Variants in KIF24 observed in about 807,000 individuals in gnomAD.
KIF24 encodes the protein kinesin family member 24.
In KIF24, 81 loss-of-function variants were observed where a neutral mutation model predicts 118.9. The ratio of observed to expected loss-of-function variants is 0.68; its 90% CI spans 0.57 to 0.82. The LOEUF (loss-of-function observed/expected upper bound fraction) is 0.82. KIF24 is among the 40% of genes least tolerant of loss of function. KIF24 has a pLI of 0.00. For missense variants in KIF24, 1,560 were observed against 1,661.6 expected, an observed-to-expected ratio of 0.94 and a Z score of 1.06; for synonymous variants, 599 against 610.0, an observed-to-expected ratio of 0.98 and a Z score of 0.27.
chr9:34,319,664 G>A, intron 1 of KIF24: 1 of 802,674 alleles, frequency 1.2e-6, no homozygotes, highest in Admixed American at 1.8e-5. Context: ...AGGGCCTCAG[G>A]GTGCACACAG....
chr9:34,317,769 G>A (rs950331193), intron 1 of KIF24, among the ~76,000 whole-genome samples: 5 of 151,996 alleles, frequency 3.3e-5, no homozygotes, highest in East Asian at 1.9e-4. Flanking sequence ...CTTAAATAAC[G>A]GCCCCAAAGC....
At chr9:34,332,327 C>G (rs1204262851), upstream of KIF24, among the ~76,000 whole-genome samples, 1 of 152,188 alleles carries the variant, frequency 6.6e-6, no homozygotes, top group Non-Finnish European at 1.5e-5. Flanking sequence ...TATGGGGTAC[C>G]TTGTTAACCT....
intron 3 of KIF24, among the ~76,000 whole-genome samples, chr9:34,302,372 CA>C (rs1198294069): frequency 1.3e-5 from 2 of 152,098 alleles, no homozygotes; most frequent in East Asian, 3.9e-4. Context: ...GGCACAATCA[CA>C]GCTTACTATA....
At chr9:34,328,371 T>C (rs1837746374) in intron 1 of KIF24, among the ~76,000 whole-genome samples, 1 of 152,236 alleles carries the variant, frequency 6.6e-6, no homozygotes, top group South Asian at 2.1e-4. Flanking sequence ...GAATGGTTTA[T>C]TTTAAGCAAA....
chr9:34,301,994 T>TC (rs1554665236), intron 3 of KIF24, among the ~76,000 whole-genome samples: 3,127 of 123,110 alleles, frequency 0.025, 101 homozygotes, highest in Non-Finnish European at 0.045. Flanking sequence ...TGTATTTTTT[T>TC]TTCTTTTTTT....
At chr9:34,267,655 A>G (rs1835344239) in intron 8 of KIF24, among the ~76,000 whole-genome samples, 1 of 152,224 alleles carries the variant, frequency 6.6e-6, no homozygotes, top group East Asian at 1.9e-4. Flanking sequence ...ATATTATTTC[A>G]GCATGTAGTC....
upstream of KIF24, among the ~76,000 whole-genome samples, chr9:34,331,393 T>C (rs560645052): frequency 1.3e-5 from 2 of 152,350 alleles, no homozygotes; most frequent in Admixed American, 6.5e-5. Flanking sequence ...TTAACTTCAT[T>C]TTACAAATGA....
At chr9:34,285,054 T>G (rs1170394648) in intron 6 of KIF24, among the ~76,000 whole-genome samples, 1 of 152,114 alleles carries the variant, frequency 6.6e-6, no homozygotes, top group East Asian at 1.9e-4. Flanking sequence ...CCGTGGACAG[T>G]GGATAGCTCA....
Position 34,275,029 on chromosome 9 carries a change from T to C in KIF24, c.1216-3099A>G, listed in dbSNP as rs181039906. On this transcript the variant is annotated intron_variant, in intron 6 of 12. Transcript: ENST00000402558. ...GTAGTGGGGATGTAGGGGTGGTTAA[T>C]AGGTACACAAAAAAAAGAAATAATG... Among the ~76,000 whole-genome samples, 21 of 152,246 alleles carry C rather than the reference T, an allele frequency of 1.4e-4. No individual in the cohort carries two copies. The East Asian group carries it at 3.7e-3, about 27-fold the overall frequency.
Position 34,263,211 on chromosome 9 carries a change from CA to C in KIF24, c.1444-40del, listed in dbSNP as rs768040032. ...GAACAAGCACATCAAGTATCAAGTG[CA>C]AAGGGAGAGTAACAGACCTGATGCC... On this transcript the variant is annotated intron_variant, in intron 8 of 12. Transcript: ENST00000402558. 4 of 1,513,462 alleles carry C rather than the reference CA, an allele frequency of 2.6e-6. No homozygotes were observed. The East Asian group carries it at 9.0e-5, about 34-fold the overall frequency. The allele number at this position is 1,513,462 out of a possible 1,614,324, so 93.8% of individuals were successfully genotyped here. A position where few individuals can be genotyped will look rare whatever the true frequency, so the allele number is the denominator to read the frequency against.
intron 10 of KIF24, among the ~76,000 whole-genome samples, chr9:34,258,730 T>C (rs191655118): frequency 7.7e-4 from 117 of 152,206 alleles, no homozygotes; most frequent in African/African-American, 2.7e-3. Context: ...CTTTCAGGCT[T>C]CTCTAGGAAG....
chr9:34,255,807 C>T lies in KIF24; in HGVS notation c.3800G>A (p.Ser1267Asn). 1 of 1,613,918 alleles carries T rather than the reference C, an allele frequency of 6.2e-7. No homozygotes were observed. Among genetic ancestry groups the T allele is most frequent in the Non-Finnish European group, 8.5e-7 (1 of 1,179,858 alleles). Residue 1267 changes from serine (S) to asparagine (N), a missense_variant, in exon 11 of 13, where the codon AGT (serine) becomes AAT (asparagine). Around this residue, in one of 3 missense-constraint regions of KIF24, gnomAD observed 591 missense variants for 655.6 expected, o/e 0.90. Transcript: ENST00000402558. ...RPISRCLARP[S>N]SPLVPSCSPK... ...AGAGCAGCTGGGAACCAAGGGAGAACTTGGCCTTGCTAAGCACCTTGAGAT... is the reference window on the plus strand; with the variant it reads ...AGAGCAGCTGGGAACCAAGGGAGAATTTGGCCTTGCTAAGCACCTTGAGAT...
chr9:34,319,067 C>A, intron 1 of KIF24: 1 of 1,303,916 alleles, frequency 7.7e-7, no homozygotes, highest in Non-Finnish European at 1.1e-6. Context: ...GGTGGAAAAC[C>A]GTGGCTTCAT....
intron 6 of KIF24, among the ~76,000 whole-genome samples, chr9:34,284,361 T>G (rs752297986): frequency 5.3e-5 from 8 of 152,212 alleles, no homozygotes; most frequent in Non-Finnish European, 1.2e-4. Context: ...ACAACCCATG[T>G]GCTCTGTACA....
intron 10 of KIF24, 111 bp from the exon 11 acceptor site, chr9:34,258,092 G>T: frequency 1.2e-6 from 1 of 819,352 alleles, no homozygotes; most frequent in Non-Finnish European, 2.0e-6. Context: ...AGGATTGGGA[G>T]TTATTTCTTT....
chr9:34,280,206 C>A (rs1835797634), intron 6 of KIF24, among the ~76,000 whole-genome samples: 1 of 139,988 alleles, frequency 7.1e-6, no homozygotes. Context: ...ATGGCGTGAA[C>A]CCGGGAGGCG....
At chr9:34,283,038 G>A (rs1346225082) in intron 6 of KIF24, among the ~76,000 whole-genome samples, 2 of 116,596 alleles carry the variant, frequency 1.7e-5, no homozygotes, top group South Asian at 2.9e-4. Context: ...GGCGACAAGA[G>A]CAAAACTCCG....
chr9:34,297,186 A>G (rs1836517209), intron 3 of KIF24, 72 bp from the exon 4 acceptor site: 4 of 853,318 alleles, frequency 4.7e-6, no homozygotes, highest in Middle Eastern at 5.7e-4. Flanking sequence ...TAGTTAACAG[A>G]TGATAAATGC....
In KIF24 at chr9:34,255,840, G is replaced by A; in HGVS notation, c.3767C>T (p.Pro1256Leu). Residue 1256 changes from proline (P) to leucine (L), a missense_variant, in exon 11 of 13, where the codon CCC becomes CTC. Transcript: ENST00000402558. ...TGCTAAGCACCTTGAGATCGGCCTGGGTTTGAGCCATGTGACATTTTCACT... is the reference window on the plus strand; with the variant it reads ...TGCTAAGCACCTTGAGATCGGCCTGAGTTTGAGCCATGTGACATTTTCACT... ...CNSENVTWLKPRPISRCLARP... is the reference protein window; with the variant it reads ...CNSENVTWLKLRPISRCLARP... 6.2e-7 allele frequency: 1 copy of A among 1,613,980 alleles called. No individual in the cohort carries two copies.
Sources: allele counts gnomAD v4.1 joint callset (sites outside exome capture counted in the v4.1 genomes callset), GRCh38; gene constraint gnomAD v4.1.1; regional missense constraint gnomAD v4.1.1; transcripts MANE v1.5; gene names NCBI Gene and HGNC (gene_info 2026-07-23, HGNC 2026-07-21).